The following TOP3A variants were observed in gnomAD, a reference collection of about 807,000 sequenced individuals.
TOP3A encodes the protein DNA topoisomerase 3-alpha.
In TOP3A, 64 loss-of-function variants were observed where a neutral mutation model predicts 111.3. The observed-to-expected ratio is 0.57, with a 90% CI of 0.47 to 0.71. The LOEUF (loss-of-function observed/expected upper bound fraction) is 0.71, where lower values mean the gene tolerates loss of function less well. TOP3A is among the 30% of genes least tolerant of loss of function. TOP3A has a pLI of 0.00. For synonymous variants in TOP3A, 484 were observed against 485.1 expected (o/e 1.00, Z 0.03); for missense variants, 1,104 against 1,285.0 (o/e 0.86, Z 2.15).
Position 18,290,863 on chromosome 17 carries a change from TG to T in TOP3A, c.1445del (p.Pro482HisfsTer111), listed in dbSNP as rs1567741330. ...ILARNYLDVY[P>X]YDHWSDKILP... ...TTACCTTGTCACTCCAGTGATCATA[TG>T]GATACACATCCAGATAGTTTCGGGC... On this transcript the variant is annotated frameshift_variant, in exon 12 of 19. Transcript: ENST00000321105. LOFTEE classifies it high-confidence loss of function. 6.2e-7 allele frequency: 1 copy of T among 1,614,212 alleles called. No individual in the cohort carries two copies. The highest frequency in any genetic ancestry group is 8.5e-7 in the Non-Finnish European group (1 of 1,180,032).
chr17:18,283,380 A>G (rs1372837317), intron 15 of TOP3A, among the ~76,000 whole-genome samples: 1 of 152,104 alleles, frequency 6.6e-6, no homozygotes, highest in Non-Finnish European at 1.5e-5. Flanking sequence ...AAAAAAAAAA[A>G]GTAAAACTGC....
rs144697787 is a variant in TOP3A at position 18,276,694 on chromosome 17, T to C, written c.2827+981A>G. ...AACTCCAAAGCTCCCACTAGGCCTT[T>C]GGGTCATTCTCAGCTACTTAAGCTC... On this transcript the variant is annotated intron_variant, in intron 18 of 18. Transcript: ENST00000321105. Among the ~76,000 whole-genome samples the C allele has an allele frequency of 6.6e-3, 1,012 of 152,304 alleles. 8 individuals carry two copies. The highest frequency in any genetic ancestry group is 0.023 in the African/African-American group (939 of 41,564).
chr17:18,305,486 A>ACGCGCGCGCGCG (rs34041678), intron 4 of TOP3A, among the ~76,000 whole-genome samples: 2 of 149,414 alleles, frequency 1.3e-5, no homozygotes, highest in African/African-American at 5.0e-5. Flanking sequence ...ACACACACAC[A>ACGCGCGCGCGCG]CGCGCGCGCG....
rs535916946 is a variant in TOP3A at position 18,284,859 on chromosome 17, C to T, written c.1877+283G>A. Among the ~76,000 whole-genome samples the T allele has an allele frequency of 3.9e-5, 6 of 152,228 alleles. No individual in the cohort carries two copies. In the East Asian group the frequency reaches 5.8e-4, roughly 15 times the overall value. On this transcript the variant is annotated intron_variant, in intron 15 of 18. Transcript: ENST00000321105. ...TCAGAATAACTGAAGGAGACTGTTC[C>T]GATTACTGTTTCTATACTGACAAAG...
chr17:18,276,137 G>A (rs1163795665), intron 18 of TOP3A, among the ~76,000 whole-genome samples: 4 of 152,138 alleles, frequency 2.6e-5, no homozygotes, highest in African/African-American at 9.7e-5. Context: ...GGACTTTCAT[G>A]CCGGCCCTTT....
At chr17:18,297,567 C>G (rs998765285) in intron 9 of TOP3A, among the ~76,000 whole-genome samples, 4 of 152,192 alleles carry the variant, frequency 2.6e-5, no homozygotes, top group African/African-American at 7.2e-5. Context: ...CGATTGCAGG[C>G]GCGCGCCGCC....
intron 18 of TOP3A, among the ~76,000 whole-genome samples, chr17:18,277,382 C>A (rs1334494944): frequency 1.3e-5 from 2 of 152,156 alleles, no homozygotes; most frequent in Admixed American, 1.3e-4. Flanking sequence ...AAATTGTGAT[C>A]ATAATGCTTA....
rs554359004 is a variant in TOP3A, at chr17:18,312,685, T to C, written c.180+1914A>G. The C allele has an allele frequency of 1.1e-4, 19 of 170,706 alleles. No homozygotes were observed. In the South Asian group the frequency reaches 2.2e-3, roughly 20 times the overall value. The allele number at this position is 170,706 out of a possible 1,614,324, so 10.6% of individuals were successfully genotyped here. ...TACACACTGTTGTGTTTTCTGTACA[T>C]AAAAATAAAAATTCTCTTTCCAAGA... On this transcript the variant is annotated intron_variant, in intron 1 of 18. Coordinates refer to ENST00000321105, the MANE Select transcript of TOP3A (RefSeq NM_004618.5).
At chr17:18,308,613 G>T in intron 2 of TOP3A, 189 bp from the exon 3 acceptor site, 1 of 510,300 alleles carries the variant, frequency 2.0e-6, no homozygotes, top group Non-Finnish European at 3.4e-6. Flanking sequence ...TAATGATATG[G>T]TGTATAACTG....
intron 18 of TOP3A, among the ~76,000 whole-genome samples, chr17:18,275,975 A>G (rs982424329): frequency 6.6e-6 from 1 of 152,160 alleles, no homozygotes; most frequent in African/African-American, 2.4e-5. Context: ...GTTTTTATAC[A>G]GCCATGTACA....
chr17:18,299,597 G>T lies in TOP3A; in HGVS notation c.952C>A (p.Pro318Thr). 1 of 1,614,102 alleles carries T rather than the reference G, an allele frequency of 6.2e-7. No homozygotes were observed. The highest frequency in any genetic ancestry group is 1.3e-5 in the African/African-American group (1 of 75,050). Residue 318 changes from proline to threonine, a missense_variant, in exon 9 of 19, where the codon CCC becomes ACC. Physicochemically the swap from Pro to Thr is conservative, Grantham distance 38. Coordinates refer to ENST00000321105, the MANE Select transcript of TOP3A (RefSeq NM_004618.5). ...MATVVEVRSKPKSKWRPQALD... is the reference protein window; with the variant it reads ...MATVVEVRSKTKSKWRPQALD... ...GCTTGAGGCCGCCACTTGCTCTTGGGCTTAGATCTGACCTCTACCACAGTT... is the reference window on the plus strand; with the variant it reads ...GCTTGAGGCCGCCACTTGCTCTTGGTCTTAGATCTGACCTCTACCACAGTT...
chr17:18,305,475 A>AACACACATACACAC (rs3075274), intron 4 of TOP3A, among the ~76,000 whole-genome samples: 8 of 146,672 alleles, frequency 5.5e-5, no homozygotes, highest in African/African-American at 1.5e-4. Flanking sequence ...ATTCAGCTCT[A>AACACACATACACAC]ACACACACAC....
intron 16 of TOP3A, among the ~76,000 whole-genome samples, chr17:18,282,199 T>C (rs956216549): frequency 6.6e-6 from 1 of 152,236 alleles, no homozygotes; most frequent in African/African-American, 2.4e-5. Context: ...AAAAGTAGTA[T>C]CTGCTGAGTA....
intron 3 of TOP3A, chr17:18,307,227 T>G: frequency 2.9e-6 from 1 of 348,848 alleles, no homozygotes; most frequent in Non-Finnish European, 5.2e-6. Context: ...TCTGGCAATT[T>G]TGAGGAACAC....
intron 11 of TOP3A, among the ~76,000 whole-genome samples, chr17:18,291,365 T>G (rs1044456852): frequency 2.6e-5 from 4 of 152,366 alleles, no homozygotes; most frequent in Non-Finnish European, 4.4e-5. Context: ...ACAGCAACAT[T>G]GCACCTGGTG....
intron 1 of TOP3A, among the ~76,000 whole-genome samples, chr17:18,309,503 T>C (rs1981780668): frequency 6.6e-6 from 1 of 151,552 alleles, no homozygotes; most frequent in African/African-American, 2.4e-5. Flanking sequence ...ATTGGCCAGG[T>C]GTGGTGGTGT....
chr17:18,297,386 T>C (rs537915297), intron 9 of TOP3A, among the ~76,000 whole-genome samples: 21 of 152,134 alleles, frequency 1.4e-4, no homozygotes, highest in Admixed American at 4.6e-4. Flanking sequence ...GACCGCACCA[T>C]TGCACTCCAG....
intron 10 of TOP3A, among the ~76,000 whole-genome samples, 190 bp from the exon 11 acceptor site, chr17:18,293,042 C>G (rs940627057): frequency 7.2e-5 from 11 of 152,224 alleles, no homozygotes; most frequent in African/African-American, 2.7e-4. Context: ...TGAAAAGCAG[C>G]TGGCTCTCCT....
At chr17:18,303,859 T>C (rs9892673) in intron 5 of TOP3A, among the ~76,000 whole-genome samples, 2 of 152,216 alleles carry the variant, frequency 1.3e-5, no homozygotes, top group Non-Finnish European at 2.9e-5. Flanking sequence ...CTTTACTTTG[T>C]GTGTGTCTTC....
Sources: allele counts gnomAD v4.1 joint callset (sites outside exome capture counted in the v4.1 genomes callset), GRCh38; gene constraint gnomAD v4.1.1; transcripts MANE v1.5; gene names NCBI Gene and HGNC (gene_info 2026-07-23, HGNC 2026-07-21).